Variants in KCNN3 observed in about 807,000 individuals in gnomAD.
KCNN3 encodes the protein small conductance calcium-activated potassium channel protein 3.
Under a neutral mutation model 62.9 loss-of-function variants are expected in KCNN3, and 16 were observed. The observed-to-expected ratio is 0.25, with a 90% CI of 0.17 to 0.39. The LOEUF (loss-of-function observed/expected upper bound fraction) is 0.39. KCNN3 is among the 10% of genes least tolerant of loss of function. KCNN3 has a pLI of 1.00. For synonymous variants in KCNN3, 370 were observed against 389.2 expected (o/e 0.95, Z 0.58); for missense variants, 599 against 949.4 (o/e 0.63, Z 4.85).
In KCNN3 at chr1:154,706,686, T is replaced by C. The variant is rs1699971675; in HGVS notation, c.*1290A>G. 6.6e-6 allele frequency: 1 copy of C among 152,194 alleles called. No individual in the cohort carries two copies. The highest frequency in any genetic ancestry group is 6.5e-5 in the Admixed American group (1 of 15,280). 9.4% of individuals were successfully genotyped at this position (152,194 alleles called of 1,614,324 possible). ...AGGGTTCCCTTCATTCTCACAATAT[T>C]TCATTTTGAGATGACTTAAGGTCAG... is the stretch of plus-strand genomic sequence containing the variant. On this transcript the variant is annotated 3_prime_UTR_variant, in exon 8 of 8. Transcript: ENST00000271915.
At chr1:154,766,836 T>C (rs899727719) in intron 3 of KCNN3, among the ~76,000 whole-genome samples, 5 of 151,906 alleles carry the variant, frequency 3.3e-5, no homozygotes, top group African/African-American at 1.2e-4. Flanking sequence ...TGTGCCACCA[T>C]GCCCGGCTAA....
At chr1:154,803,222 C>A (rs566312283) in intron 2 of KCNN3, among the ~76,000 whole-genome samples, 1 of 152,178 alleles carries the variant, frequency 6.6e-6, no homozygotes, top group South Asian at 2.1e-4. Flanking sequence ...AGCCTAGAAA[C>A]AAAAACAGAC....
At position 154,733,853 on chromosome 1, in the gene KCNN3, G is replaced by T. The variant is rs564094719; in HGVS notation, c.1449-709C>A. 3.8e-3 allele frequency among the ~76,000 whole-genome samples: 585 copies of T among 152,286 alleles called. 2 individuals are homozygous for T. Among genetic ancestry groups the T allele is most frequent in the Non-Finnish European group, 6.8e-3 (464 of 68,024 alleles). On this transcript the variant is annotated intron_variant, in intron 3 of 7. Coordinates refer to ENST00000271915, the MANE Select transcript of KCNN3 (RefSeq NM_002249.6). ...TTCATCCCCAACACCAAGACCTGCT[G>T]CATGCCAGGCTCTGTGCCAAGTACT...
intron 2 of KCNN3, among the ~76,000 whole-genome samples, chr1:154,788,209 A>C (rs1649366479): frequency 6.6e-6 from 1 of 152,192 alleles, no homozygotes. Flanking sequence ...CAGGCCCCTG[A>C]CACTGCCTCT....
intron 2 of KCNN3, among the ~76,000 whole-genome samples, chr1:154,802,925 T>C: frequency 6.6e-6 from 1 of 152,204 alleles, no homozygotes; most frequent in East Asian, 1.9e-4. Context: ...TACTTAGTTG[T>C]TCTGCCTGGT....
chr1:154,715,009 G>A lies in KCNN3; in HGVS notation c.1702-6C>T. 1.9e-6 allele frequency: 3 copies of A among 1,613,520 alleles called. No individual in the cohort carries two copies. The highest frequency in any genetic ancestry group is 2.5e-6 in the Non-Finnish European group (3 of 1,179,612). ...TTGGCTGCAGCATTCTTGATCTAAG[G>A]AAGAATAAATAAAGTAGGCTGCTAT... is the stretch of plus-strand genomic sequence containing the variant. On this transcript the variant is annotated splice_region_variant and splice_polypyrimidine_tract_variant and intron_variant, in intron 5 of 7. Transcript: ENST00000271915.
chr1:154,718,950 T>C (rs1235270238), intron 5 of KCNN3, among the ~76,000 whole-genome samples: 6 of 152,170 alleles, frequency 3.9e-5, no homozygotes, highest in Admixed American at 6.5e-5. Context: ...CAAGAAAACA[T>C]ACAACAGAAC....
chr1:154,702,127 C>T lies in KCNN3; in HGVS notation c.*5849G>A, dbSNP rs1297641661. The T allele has an allele frequency of 2.6e-5, 4 of 151,916 alleles. No individual in the cohort carries two copies. The highest frequency in any genetic ancestry group is 6.6e-5 in the Admixed American group (1 of 15,250). The allele number at this position is 151,916 out of a possible 1,614,324, so 9.4% of individuals were successfully genotyped here. ...GAATAATGTTCTTTTGTCTCTAATA[C>T]CCAGGCCTTGGAGAATTAGAATATG... On this transcript the variant is annotated 3_prime_UTR_variant, in exon 8 of 8. Coordinates refer to ENST00000271915, the MANE Select transcript of KCNN3 (RefSeq NM_002249.6).
chr1:154,810,173 G>C (rs1397719798), intron 2 of KCNN3, among the ~76,000 whole-genome samples: 1 of 152,162 alleles, frequency 6.6e-6, no homozygotes, highest in Non-Finnish European at 1.5e-5. Context: ...GGCAGAAGGA[G>C]GGGAGAATAT....
At chr1:154,766,416 T>TTAAATATATATATATACATATATA (rs1553231995) in intron 3 of KCNN3, among the ~76,000 whole-genome samples, 13 of 71,812 alleles carry the variant, frequency 1.8e-4, no homozygotes, top group African/African-American at 6.6e-4. Flanking sequence ...TAGCCAGGCT[T>TTAAATATATATATATACATATATA]TATATATATA....
At chr1:154,762,248 G>A (rs1381414329) in intron 3 of KCNN3, among the ~76,000 whole-genome samples, 1 of 152,160 alleles carries the variant, frequency 6.6e-6, no homozygotes, top group Non-Finnish European at 1.5e-5. Flanking sequence ...CAGAAAGATG[G>A]TCTAATTTCC....
At chr1:154,725,895 C>T in intron 5 of KCNN3, 21 bp downstream of exon 5, 2 of 1,587,612 alleles carry the variant, frequency 1.3e-6, no homozygotes, top group Non-Finnish European at 1.7e-6. Context: ...CCCCATAAGA[C>T]ATGGCTGTGT....
chr1:154,803,526 C>G (rs1650042969), intron 2 of KCNN3, among the ~76,000 whole-genome samples: 1 of 152,228 alleles, frequency 6.6e-6, no homozygotes. Context: ...AACACAAAAA[C>G]TCACAAGCCC....
intron 2 of KCNN3, among the ~76,000 whole-genome samples, chr1:154,774,493 G>A (rs1231612566): frequency 2.6e-5 from 4 of 152,220 alleles, no homozygotes; most frequent in African/African-American, 4.8e-5. Context: ...ATCCAGCTCC[G>A]ATGATTTGAT....
chr1:154,825,541 T>C (rs1651072816), intron 1 of KCNN3, among the ~76,000 whole-genome samples: 1 of 151,636 alleles, frequency 6.6e-6, no homozygotes. Context: ...AATTTTTTTG[T>C]ATTTTTAGTA....
At position 154,804,586 on chromosome 1, in the gene KCNN3, T is replaced by C. The variant is rs577609161; in HGVS notation, c.1029+17503A>G. On this transcript the variant is annotated intron_variant, in intron 2 of 7. Transcript: ENST00000271915. ...ATTTGAAGGCAGAGAACACATCTTA[T>C]TCTTTCCCATCCTGGCACTGAGTAG... Among the ~76,000 whole-genome samples the C allele has an allele frequency of 7.9e-5, 12 of 152,252 alleles. No individual in the cohort carries two copies. In the South Asian group the frequency reaches 2.5e-3, roughly 32 times the overall value.
intron 2 of KCNN3, among the ~76,000 whole-genome samples, chr1:154,819,437 CATGCAAAGATTA>C (rs560435814): frequency 2.6e-4 from 40 of 152,312 alleles, no homozygotes; most frequent in South Asian, 6.2e-4. Flanking sequence ...AGTCTCTGGA[CATGCAAAGATTA>C]ATGCAAAGAT....
intron 4 of KCNN3, among the ~76,000 whole-genome samples, chr1:154,731,060 C>G (rs1232262575): frequency 1.3e-5 from 2 of 152,202 alleles, no homozygotes; most frequent in Admixed American, 1.3e-4. Context: ...GGGAAAAGGT[C>G]GGTATTTTAA....
In KCNN3 at chr1:154,772,094, G is replaced by A. The variant is rs748196476; in HGVS notation, c.1329C>T (p.Ile443=). ...SSRSIGALNK[I]NFNTRFVMKT... is the part of the protein sequence containing the mutation. ...TCATGACAAAGCGGGTGTTGAAGTT[G>A]ATCTTGTTGAGGGCCCCGATGCTGC... is the stretch of plus-strand genomic sequence containing the variant. Residue 443 remains isoleucine, a synonymous_variant, in exon 3 of 8, where the codon ATC becomes ATT. Transcript: ENST00000271915. The surrounding 1 kb of genome is among the most constrained non-coding windows in gnomAD (Gnocchi z 5.6). 1.2e-6 allele frequency: 2 copies of A among 1,614,084 alleles called. No individual in the cohort carries two copies. The highest frequency in any genetic ancestry group is 1.7e-6 in the Non-Finnish European group (2 of 1,180,048).
Sources: gnomAD v4.1 joint callset for allele counts (sites outside exome capture counted in the v4.1 genomes callset) on GRCh38, gnomAD v4.1.1 for gene constraint, Gnocchi (gnomAD v3.1) non-coding constraint, MANE v1.5 for transcripts, NCBI Gene and HGNC (gene_info 2026-07-23, HGNC 2026-07-21) for gene names.